The following MAST4 variants were observed in gnomAD, a reference collection of about 807,000 sequenced individuals.
MAST4 encodes the protein microtubule associated serine/threonine kinase family member 4.
A neutral mutation model predicts 162.7 loss-of-function variants in MAST4; 89 were observed. That is an observed-to-expected ratio of 0.55 (90% CI 0.46 to 0.65). The LOEUF (loss-of-function observed/expected upper bound fraction) is 0.65, where lower values mean the gene tolerates loss of function less well. MAST4 is among the 30% of genes least tolerant of loss of function. The pLI is 0.00. For missense variants in MAST4, 3,153 were observed against 3,374.0 expected, an observed-to-expected ratio of 0.93 and a Z score of 1.62; for synonymous variants, 1,479 against 1,361.1, an observed-to-expected ratio of 1.09 and a Z score of -1.91.
intron 5 of MAST4, among the ~76,000 whole-genome samples, chr5:67,084,808 G>A (rs1050446947): frequency 3.3e-5 from 5 of 152,036 alleles, no homozygotes; most frequent in African/African-American, 1.2e-4. Context: ...TAGCATTGTT[G>A]ACTGGTTTGA....
chr5:66,658,386 T>C (rs1746688757), intron 1 of MAST4, among the ~76,000 whole-genome samples: 1 of 152,228 alleles, frequency 6.6e-6, no homozygotes, highest in Non-Finnish European at 1.5e-5. Flanking sequence ...AAGTTTTATG[T>C]GAGCTTAAAT....
intron 14 of MAST4, among the ~76,000 whole-genome samples, chr5:67,127,188 A>G (rs1341444600): frequency 6.6e-6 from 1 of 152,216 alleles, no homozygotes; most frequent in Non-Finnish European, 1.5e-5. Flanking sequence ...AACAGAGGCA[A>G]TTTGACTTCC....
At chr5:66,736,071 T>C (rs1471364991) in intron 1 of MAST4, among the ~76,000 whole-genome samples, 2 of 152,182 alleles carry the variant, frequency 1.3e-5, no homozygotes, top group Non-Finnish European at 2.9e-5. Context: ...TGTTTTCAGA[T>C]ATCCTGTTTC....
chr5:66,628,190 A>G (rs1429051122), intron 1 of MAST4, among the ~76,000 whole-genome samples: 1 of 151,892 alleles, frequency 6.6e-6, no homozygotes. Context: ...ACGCCACCAC[A>G]CTGGCTAAAT....
chr5:66,713,535 A>G (rs1047413286), intron 1 of MAST4, among the ~76,000 whole-genome samples: 3 of 152,222 alleles, frequency 2.0e-5, no homozygotes, highest in Admixed American at 6.5e-5. Flanking sequence ...ACATTACTCA[A>G]ATAATATTTT....
intron 8 of MAST4, 99 bp downstream of exon 8, chr5:67,100,691 T>C: frequency 1.4e-6 from 2 of 1,379,704 alleles, no homozygotes; most frequent in South Asian, 1.3e-5. Flanking sequence ...GTGTGTTAAC[T>C]GACTTGCAAA....
chr5:67,005,165 T>A (rs1751856416), intron 4 of MAST4: 2 of 715,388 alleles, frequency 2.8e-6, no homozygotes, highest in Non-Finnish European at 5.2e-6. Flanking sequence ...CCTGAGCCCC[T>A]CAGGAGCTGG....
chr5:66,818,552 T>C (rs1300228395), intron 3 of MAST4, among the ~76,000 whole-genome samples: 1 of 152,264 alleles, frequency 6.6e-6, no homozygotes, highest in East Asian at 1.9e-4. Flanking sequence ...TGATACTTAA[T>C]GTGACTTCTT....
At chr5:67,141,100 C>A (rs1423377259) in intron 19 of MAST4, among the ~76,000 whole-genome samples, 1 of 152,150 alleles carries the variant, frequency 6.6e-6, no homozygotes, top group African/African-American at 2.4e-5. Flanking sequence ...AGATTCACAG[C>A]CCATTTTGCA....
At position 67,163,997 on chromosome 5, in the gene MAST4, T is replaced by A; in HGVS notation, c.4818T>A (p.Ala1606=). Residue 1606 remains alanine, a synonymous_variant, in exon 29 of 29, where the codon GCT becomes GCA. Transcript: ENST00000403625. The surrounding 1 kb of genome is among the most constrained non-coding windows in gnomAD (Gnocchi z 7.0). ...APPLGSLLKD[A]LHKQASVRAS... ...CGCTGGGCAGCCTGCTGAAGGATGC[T>A]CTTCACAAGCAGGCCAGCGTGCGCG... The A allele has an allele frequency of 6.2e-7, 1 of 1,603,528 alleles. No individual in the cohort carries two copies. Among genetic ancestry groups the A allele is most frequent in the Non-Finnish European group, 8.5e-7 (1 of 1,175,124 alleles).
At chr5:66,645,304 C>T (rs1745756738) in intron 1 of MAST4, among the ~76,000 whole-genome samples, 1 of 152,168 alleles carries the variant, frequency 6.6e-6, no homozygotes, top group Non-Finnish European at 1.5e-5. Context: ...CTGTTGTTTG[C>T]ATAGGCACAC....
intron 1 of MAST4, among the ~76,000 whole-genome samples, chr5:66,643,803 T>C (rs1271342597): frequency 3.3e-5 from 5 of 152,038 alleles, no homozygotes; most frequent in Admixed American, 2.6e-4. Flanking sequence ...GAAAATCCAT[T>C]TGCATTCCTA....
At chr5:66,701,286 A>G (rs1175057804) in intron 1 of MAST4, among the ~76,000 whole-genome samples, 9 of 152,192 alleles carry the variant, frequency 5.9e-5, no homozygotes, top group Admixed American at 2.6e-4. Flanking sequence ...TAATGAATTT[A>G]CTTTAAATAC....
intron 1 of MAST4, among the ~76,000 whole-genome samples, chr5:66,673,535 T>A (rs1366503845): frequency 6.7e-6 from 1 of 149,812 alleles, no homozygotes; most frequent in Non-Finnish European, 1.5e-5. Flanking sequence ...TTTTTGTTTT[T>A]TTTTTTTTTG....
At chr5:67,049,009 A>ACATATATATATACGTGTG (rs1561576044) in intron 4 of MAST4, among the ~76,000 whole-genome samples, 2 of 125,430 alleles carry the variant, frequency 1.6e-5, no homozygotes, top group Admixed American at 8.3e-5. Context: ...ATACACACAC[A>ACATATATATATACGTGTG]TATATATATA....
chr5:66,648,043 T>C (rs1198984154), intron 1 of MAST4, among the ~76,000 whole-genome samples: 12 of 45,588 alleles, frequency 2.6e-4, no homozygotes, highest in Non-Finnish European at 4.2e-5. Context: ...AATGTGTGTG[T>C]GTGTGTGTGT....
intron 3 of MAST4, among the ~76,000 whole-genome samples, chr5:66,823,417 T>C (rs1263195724): frequency 6.6e-6 from 1 of 152,194 alleles, no homozygotes; most frequent in Admixed American, 6.5e-5. Context: ...GAGGATTTGA[T>C]GAGATGATAC....
At position 67,166,470 on chromosome 5, in the gene MAST4, G is replaced by A; in HGVS notation, c.7291G>A (p.Ala2431Thr). The A allele has an allele frequency of 6.2e-7, 1 of 1,602,948 alleles. No homozygotes were observed. The highest frequency in any genetic ancestry group is 8.5e-7 in the Non-Finnish European group (1 of 1,174,242). ...GPGPQKPPTE[A>T]DKPNGMKRSP... ...CGGTCCCCAGAAGCCACCGACGGAG[G>A]CAGACAAGCCCAATGGCATGAAACG... Residue 2431 changes from alanine to threonine, a missense_variant, in exon 29 of 29, where the codon GCA becomes ACA. Physicochemically the swap from Ala to Thr is moderately conservative, Grantham distance 58 (BLOSUM62 0). This residue lies in a region of MAST4 where 1,644 missense variants were observed against 1,495.0 expected (regional missense o/e 1.10). Coordinates refer to ENST00000403625, the MANE Select transcript of MAST4 (RefSeq NM_001164664.2).
chr5:67,141,048 A>G (rs184702952), intron 19 of MAST4, among the ~76,000 whole-genome samples: 3 of 152,284 alleles, frequency 2.0e-5, no homozygotes, highest in Admixed American at 6.5e-5. Context: ...TCCAATGAGG[A>G]CAGAGTCCAA....
Sources: gnomAD v4.1 joint callset for allele counts (sites outside exome capture counted in the v4.1 genomes callset) on GRCh38, gnomAD v4.1.1 for gene constraint, gnomAD v4.1.1 regional missense constraint, Gnocchi (gnomAD v3.1) non-coding constraint, MANE v1.5 for transcripts, NCBI Gene and HGNC (gene_info 2026-07-23, HGNC 2026-07-21) for gene names.